GLRB: variants seen among roughly 807,000 people sequenced by gnomAD.
GLRB encodes the protein glycine receptor subunit beta.
Under a neutral mutation model 54.2 loss-of-function variants are expected in GLRB, and 33 were observed. The ratio of observed to expected loss-of-function variants is 0.61; its 90% CI spans 0.46 to 0.81. The LOEUF (loss-of-function observed/expected upper bound fraction) is 0.81, where lower values mean the gene tolerates loss of function less well. Ranked by LOEUF, GLRB falls within the 40% of genes least tolerant of loss-of-function variation. The pLI, the probability that GLRB is intolerant of heterozygous loss-of-function variation, is 0.00. For missense variants in GLRB, 572 were observed against 584.6 expected (o/e 0.98, Z 0.22); for synonymous variants, 209 against 208.2 (o/e 1.00, Z -0.03).
At chr4:157,079,589 A>G (rs1360618949) in intron 2 of GLRB, among the ~76,000 whole-genome samples, 1 of 152,184 alleles carries the variant, frequency 6.6e-6, no homozygotes, top group Non-Finnish European at 1.5e-5. Context: ...ATTTCTGGGT[A>G]TATGACACAA....
chr4:157,122,754 A>G (rs1459245556), intron 4 of GLRB, among the ~76,000 whole-genome samples: 2 of 151,794 alleles, frequency 1.3e-5, no homozygotes, highest in African/African-American at 4.8e-5. Flanking sequence ...AAATGTTTTA[A>G]GTATTCAAGT....
chr4:157,168,392 C>T (rs1012137962), intron 9 of GLRB, among the ~76,000 whole-genome samples: 1 of 152,020 alleles, frequency 6.6e-6, no homozygotes. Flanking sequence ...CTCAATTGTT[C>T]CTTATGAATA....
chr4:157,120,122 C>T (rs1256449555), intron 2 of GLRB, among the ~76,000 whole-genome samples: 14 of 151,304 alleles, frequency 9.3e-5, no homozygotes, highest in Non-Finnish European at 1.8e-4. Context: ...TCTCAGTAAA[C>T]TGTCGCAAGA....
At chr4:157,164,404 C>T (rs1026196560) in intron 9 of GLRB, among the ~76,000 whole-genome samples, 1 of 152,122 alleles carries the variant, frequency 6.6e-6, no homozygotes, top group African/African-American at 2.4e-5. Flanking sequence ...ATCTACTCCT[C>T]GATTTACATC....
intron 9 of GLRB, among the ~76,000 whole-genome samples, chr4:157,164,240 G>A (rs1186125391): frequency 1.3e-5 from 2 of 151,724 alleles, no homozygotes; most frequent in East Asian, 2.0e-4. Flanking sequence ...TTGGCATGAC[G>A]AAGAACTGGT....
chr4:157,103,797 G>C lies in GLRB; in HGVS notation c.123-16759G>C, dbSNP rs565905442. ...TATTCCTAAATATTTTATTATTTTT[G>C]ATGGTATTACAAACGGAATTATTTT... On this transcript the variant is annotated intron_variant, in intron 2 of 9. Coordinates refer to ENST00000264428, the MANE Select transcript of GLRB (RefSeq NM_000824.5). Among the ~76,000 whole-genome samples, 21 of 152,142 alleles carry C rather than the reference G, an allele frequency of 1.4e-4. 1 individual carries two copies. The South Asian group carries it at 4.4e-3, about 32-fold the overall frequency.
At chr4:157,120,500 C>A in intron 2 of GLRB, 56 bp from the exon 3 acceptor site, 5 of 863,578 alleles carry the variant, frequency 5.8e-6, no homozygotes, top group Non-Finnish European at 5.8e-6. Flanking sequence ...GAGAATTACC[C>A]ATTTCTGTTG....
In GLRB at chr4:157,136,562, G is replaced by T. The variant is rs1452545905; in HGVS notation, c.391G>T (p.Asp131Tyr). Reference sequence around the variant, plus strand: ...TAGGGGTTCAGATGCACTGACAGTGGATCCAACAATGTACAAGTGTTTATG... The same window carrying T: ...TAGGGGTTCAGATGCACTGACAGTGTATCCAACAATGTACAAGTGTTTATG... ...DFRGSDALTV[D>Y]PTMYKCLWKP... Residue 131 changes from aspartate (D) to tyrosine (Y), a missense_variant, in exon 5 of 10, where the codon GAT becomes TAT. By Grantham distance (160) the Asp-to-Tyr change is radical. Transcript: ENST00000264428. 3 of 1,609,660 alleles carry T rather than the reference G, an allele frequency of 1.9e-6. No individual in the cohort carries two copies. Among genetic ancestry groups the T allele is most frequent in the Admixed American group, 3.3e-5 (2 of 59,960 alleles).
At chr4:157,160,257 G>A (rs1019353838) in intron 9 of GLRB, among the ~76,000 whole-genome samples, 12 of 144,288 alleles carry the variant, frequency 8.3e-5, no homozygotes, top group African/African-American at 2.0e-4. Flanking sequence ...GTGGTCTATC[G>A]ATTTTTTTCA....
intron 4 of GLRB, among the ~76,000 whole-genome samples, chr4:157,132,370 A>G (rs1263513768): frequency 6.6e-6 from 1 of 151,620 alleles, no homozygotes; most frequent in Non-Finnish European, 1.5e-5. Context: ...CATTTTCTCT[A>G]TCTTGATATT....
intron 2 of GLRB, among the ~76,000 whole-genome samples, chr4:157,092,093 T>A (rs1734640600): frequency 6.6e-6 from 1 of 152,202 alleles, no homozygotes; most frequent in Non-Finnish European, 1.5e-5. Context: ...CAATAGTGCA[T>A]CCTCAGATAA....
At chr4:157,134,246 T>G (rs1021878096) in intron 4 of GLRB, among the ~76,000 whole-genome samples, 20 of 152,150 alleles carry the variant, frequency 1.3e-4, no homozygotes, top group African/African-American at 4.8e-4. Flanking sequence ...AGATATTTGT[T>G]TTGGTCTGGA....
intron 4 of GLRB, among the ~76,000 whole-genome samples, chr4:157,129,762 T>G (rs981007813): frequency 1.3e-5 from 2 of 151,620 alleles, no homozygotes; most frequent in African/African-American, 2.4e-5. Context: ...AGCTTTTTTT[T>G]TGTGGTGTAT....
At chr4:157,120,311 C>T (rs916527365) in intron 2 of GLRB, among the ~76,000 whole-genome samples, 1 of 150,588 alleles carries the variant, frequency 6.6e-6, no homozygotes, top group Non-Finnish European at 1.5e-5. Context: ...TGCAGCACAC[C>T]AGCATGGCAC....
intron 9 of GLRB, among the ~76,000 whole-genome samples, chr4:157,157,599 T>C (rs1385905841): frequency 6.6e-6 from 1 of 152,184 alleles, no homozygotes; most frequent in East Asian, 1.9e-4. Context: ...TGTTTGGTGT[T>C]CTGTCTTTGC....
At chr4:157,152,612 A>G (rs1006409011) in intron 8 of GLRB, 106 bp from the exon 9 acceptor site, 13 of 867,466 alleles carry the variant, frequency 1.5e-5, no homozygotes, top group African/African-American at 4.9e-5. Flanking sequence ...CAAATTGTTC[A>G]TGGGTCATTG....
chr4:157,140,768 A>G (rs1358633194), intron 7 of GLRB, among the ~76,000 whole-genome samples: 1 of 152,044 alleles, frequency 6.6e-6, no homozygotes, highest in Non-Finnish European at 1.5e-5. Context: ...CATCCAGATT[A>G]TATGCTTAAC....
intron 8 of GLRB, among the ~76,000 whole-genome samples, chr4:157,150,380 C>T (rs887132288): frequency 6.6e-6 from 1 of 152,006 alleles, no homozygotes; most frequent in Non-Finnish European, 1.5e-5. Flanking sequence ...GTCTTGAATT[C>T]ACTACCATTG....
chr4:157,156,712 G>A (rs1737240796), intron 9 of GLRB, among the ~76,000 whole-genome samples: 1 of 151,742 alleles, frequency 6.6e-6, no homozygotes, highest in Non-Finnish European at 1.5e-5. Context: ...GTTCATAATT[G>A]GTCACTGAAT....
Sources: allele counts gnomAD v4.1 joint callset (sites outside exome capture counted in the v4.1 genomes callset), GRCh38; gene constraint gnomAD v4.1.1; transcripts MANE v1.5; gene names NCBI Gene and HGNC (gene_info 2026-07-23, HGNC 2026-07-21).